CHL1: variants seen among roughly 807,000 people sequenced by gnomAD.
CHL1 encodes the protein neural cell adhesion molecule L1-like protein.
In CHL1, 96 loss-of-function variants were observed where a neutral mutation model predicts 141.9. That is an observed-to-expected ratio of 0.68 (90% CI 0.57 to 0.80). The LOEUF (loss-of-function observed/expected upper bound fraction) is 0.80. CHL1 is among the 30% of genes least tolerant of loss of function. The pLI, the probability that CHL1 is intolerant of heterozygous loss-of-function variation, is 0.00. For missense variants in CHL1, 1,820 were observed against 1,457.2 expected (o/e 1.25, Z -4.05); for synonymous variants, 613 against 502.2 (o/e 1.22, Z -2.95).
intron 1 of CHL1, among the ~76,000 whole-genome samples, chr3:226,574 C>A (rs971075825): frequency 1.3e-5 from 2 of 151,584 alleles, no homozygotes; most frequent in Non-Finnish European, 2.9e-5. Flanking sequence ...TTCAGCCTCC[C>A]GAGTGGCTGG....
intron 5 of CHL1, among the ~76,000 whole-genome samples, chr3:337,551 G>A (rs1480193020): frequency 4.1e-5 from 6 of 144,746 alleles, no homozygotes; most frequent in Non-Finnish European, 9.0e-5. Context: ...GGTGTGTGAT[G>A]TCCCCCTTCC....
intron 15 of CHL1, chr3:373,729 G>C (rs555382452): frequency 1.6e-4 from 25 of 152,496 alleles, no homozygotes; most frequent in African/African-American, 5.8e-4. Flanking sequence ...TGTGATGCTA[G>C]ACCCAGTGGC....
intron 2 of CHL1, among the ~76,000 whole-genome samples, chr3:259,234 C>G (rs1694471463): frequency 6.6e-6 from 1 of 151,862 alleles, no homozygotes; most frequent in Non-Finnish European, 1.5e-5. Context: ...AAATGTCTTT[C>G]TAATAAAAGT....
Position 360,524 on chromosome 3 carries a change from A to G in CHL1, c.1306+100A>G, listed in dbSNP as rs555401403. The G allele has an allele frequency of 1.8e-5, 22 of 1,197,330 alleles. No individual in the cohort carries two copies. The African/African-American group carries it at 3.4e-4, about 19-fold the overall frequency. The allele number at this position is 1,197,330 out of a possible 1,614,324, so 74.2% of individuals were successfully genotyped here. On this transcript the variant is annotated intron_variant, in intron 12 of 27. Coordinates refer to ENST00000256509, the MANE Select transcript of CHL1 (RefSeq NM_006614.4). ...TTAACTCTTGACACATAATATATGG[A>G]GGGAAAAATCAAACTACTTTTCACC...
chr3:283,862 A>T (rs1696885957), intron 2 of CHL1, among the ~76,000 whole-genome samples: 1 of 152,344 alleles, frequency 6.6e-6, no homozygotes, highest in South Asian at 2.1e-4. Context: ...AACAGCTGGT[A>T]TAAAAGCATC....
chr3:242,465 G>A lies in CHL1; in HGVS notation c.-174-2148G>A, dbSNP rs867256945. Among the ~76,000 whole-genome samples the A allele has an allele frequency of 6.3e-3, 931 of 148,792 alleles. 21 individuals carry two copies. Among genetic ancestry groups the A allele is most frequent in the South Asian group, 0.014 (66 of 4,600 alleles). Reference sequence around the variant, plus strand: ...CAAAAAATTATCCCGGCGTGGTGGTGGGCGCCTGTAGTCCCAGCTACCTGG... The same window carrying A: ...CAAAAAATTATCCCGGCGTGGTGGTAGGCGCCTGTAGTCCCAGCTACCTGG... On this transcript the variant is annotated intron_variant, in intron 1 of 27. Transcript: ENST00000256509.
At chr3:318,920 G>A (rs1244039658) in intron 2 of CHL1, among the ~76,000 whole-genome samples, 2 of 151,418 alleles carry the variant, frequency 1.3e-5, no homozygotes, top group Non-Finnish European at 3.0e-5. Context: ...ACTAAATGAA[G>A]TTATTGTCTT....
intron 1 of CHL1, chr3:198,047 C>T (rs139559202): frequency 0.017 from 5,093 of 303,788 alleles, 236 homozygotes; most frequent in African/African-American, 0.11. Context: ...CGGGGAACTC[C>T]TGCGAAAAAC....
chr3:399,851 A>T (rs867091096), intron 26 of CHL1, among the ~76,000 whole-genome samples: 1 of 152,152 alleles, frequency 6.6e-6, no homozygotes, highest in Non-Finnish European at 1.5e-5. Flanking sequence ...GCATTCTAAT[A>T]TTACTGGCTC....
intron 1 of CHL1, among the ~76,000 whole-genome samples, chr3:207,071 G>A (rs950700114): frequency 3.3e-5 from 5 of 152,142 alleles, no homozygotes; most frequent in East Asian, 3.9e-4. Flanking sequence ...ATAAAGATAA[G>A]GCTTTAGAAG....
intron 5 of CHL1, among the ~76,000 whole-genome samples, chr3:330,062 G>T (rs1035582735): frequency 1.3e-5 from 2 of 152,028 alleles, no homozygotes; most frequent in African/African-American, 4.8e-5. Context: ...ATAGAATATT[G>T]TAACTAACAC....
At chr3:211,227 A>T (rs1699880542) in intron 1 of CHL1, among the ~76,000 whole-genome samples, 1 of 152,216 alleles carries the variant, frequency 6.6e-6, no homozygotes, top group Admixed American at 6.5e-5. Flanking sequence ...CACAAATGGA[A>T]AAGGAAGCAG....
rs71619455 is a variant in CHL1 at position 381,383 on chromosome 3, G to GTTT, written c.1877-796_1877-795insTTT. Among the ~76,000 whole-genome samples the GTTT allele has an allele frequency of 6.3e-3, 965 of 152,278 alleles. 5 individuals are homozygous for GTTT. Among genetic ancestry groups the GTTT allele is most frequent in the Non-Finnish European group, 9.8e-3 (669 of 68,020 alleles). On this transcript the variant is annotated intron_variant, in intron 16 of 27. Coordinates refer to ENST00000256509, the MANE Select transcript of CHL1 (RefSeq NM_006614.4). The stretch of plus-strand genomic sequence containing the variant: ...GTATCTATACTGAGGTTTGCAGTGG[G>GTTT]AGAAAGGAAGACACTTATCTGCAGG...
At position 382,254 on chromosome 3, in the gene CHL1, G is replaced by A. The variant is rs780132331; in HGVS notation, c.1952G>A (p.Gly651Glu). Residue 651 changes from glycine (G) to glutamate (E), a missense_variant, in exon 17 of 28, where the codon GGA (glycine) becomes GAA (glutamate). Gly to Glu is a moderately conservative substitution (Grantham distance 98). Coordinates refer to ENST00000256509, the MANE Select transcript of CHL1 (RefSeq NM_006614.4). ...AGTGTTCGGCTGACCTGGGAAGCTGGAGCTGACCACAACAGCAATATTAGC... is the reference window on the plus strand; with the variant it reads ...AGTGTTCGGCTGACCTGGGAAGCTGAAGCTGACCACAACAGCAATATTAGC... ...NRSVRLTWEA[G>E]ADHNSNISEY... is the part of the protein sequence containing the mutation. 2 of 1,613,698 alleles carry A rather than the reference G, an allele frequency of 1.2e-6. No homozygotes were observed. Among genetic ancestry groups the A allele is most frequent in the Non-Finnish European group, 1.7e-6 (2 of 1,179,728 alleles).
intron 10 of CHL1, among the ~76,000 whole-genome samples, chr3:350,836 C>G (rs779057484): frequency 6.6e-6 from 1 of 152,138 alleles, no homozygotes; most frequent in African/African-American, 2.4e-5. Flanking sequence ...ATCTGCCAAA[C>G]AGTGATATAT....
intron 15 of CHL1, chr3:376,494 C>T (rs2125358106): frequency 4.2e-6 from 2 of 478,288 alleles, no homozygotes; most frequent in East Asian, 6.0e-5. Flanking sequence ...TTGGAGGCAC[C>T]TAAGATACAT....
chr3:319,897 T>C (rs756871845), intron 3 of CHL1, 30 bp downstream of exon 3: 7 of 1,253,284 alleles, frequency 5.6e-6, no homozygotes, highest in African/African-American at 3.1e-5. Context: ...TGCCTATTAA[T>C]GGAATTTCAT....
intron 16 of CHL1, among the ~76,000 whole-genome samples, 167 bp from the exon 17 acceptor site, chr3:382,012 G>T (rs1707099741): frequency 7.7e-6 from 1 of 129,722 alleles, no homozygotes; most frequent in South Asian, 2.7e-4. Context: ...AATTACCCTT[G>T]AAACTCCACC....
At position 382,756 on chromosome 3, in the gene CHL1, T is replaced by TA. The variant is rs1707211203; in HGVS notation, c.2176+87dup. The TA allele has an allele frequency of 6.0e-6, 7 of 1,172,880 alleles. No homozygotes were observed. The East Asian group carries it at 1.7e-4, about 29-fold the overall frequency. The allele number at this position is 1,172,880 out of a possible 1,614,324, so 72.7% of individuals were successfully genotyped here. On this transcript the variant is annotated intron_variant, in intron 18 of 27. Coordinates refer to ENST00000256509, the MANE Select transcript of CHL1 (RefSeq NM_006614.4). ...ATCTAAAAAAAAAAGATTGATAGAGTAATGTAGGATTTTAGATTTCTCCAA... is the reference window on the plus strand; with the variant it reads ...ATCTAAAAAAAAAAGATTGATAGAGTAAATGTAGGATTTTAGATTTCTCCAA...
Sources: allele counts gnomAD v4.1 joint callset (sites outside exome capture counted in the v4.1 genomes callset), GRCh38; gene constraint gnomAD v4.1.1; transcripts MANE v1.5; gene names NCBI Gene and HGNC (gene_info 2026-07-23, HGNC 2026-07-21).